Variants in PLPP1 observed in about 807,000 individuals in gnomAD.
PLPP1 encodes the protein phospholipid phosphatase 1.
In PLPP1, 24 loss-of-function variants were observed where a neutral mutation model predicts 31.2. That is an observed-to-expected ratio of 0.77 (90% CI 0.56 to 1.08). PLPP1 has a LOEUF of 1.08. Ranked by LOEUF, PLPP1 falls within the 50% of genes least tolerant of loss-of-function variation. The pLI, the probability that PLPP1 is intolerant of heterozygous loss-of-function variation, is 0.00. For missense variants in PLPP1, 319 were observed against 342.7 expected (o/e 0.93, Z 0.55); for synonymous variants, 146 against 126.3 (o/e 1.16, Z -1.05).
chr5:55,514,540 T>C (rs999185831), intron 1 of PLPP1, among the ~76,000 whole-genome samples: 6 of 152,232 alleles, frequency 3.9e-5, no homozygotes, highest in African/African-American at 1.4e-4. Context: ...TTATGCCAAA[T>C]GGCAATGGCC....
intron 1 of PLPP1, among the ~76,000 whole-genome samples, chr5:55,533,636 C>T (rs1740763431): frequency 6.6e-6 from 1 of 152,198 alleles, no homozygotes; most frequent in Admixed American, 6.5e-5. Context: ...AATACTACTA[C>T]TATTCTGATT....
chr5:55,520,187 G>A (rs1310548541), intron 1 of PLPP1, among the ~76,000 whole-genome samples: 1 of 152,106 alleles, frequency 6.6e-6, no homozygotes, highest in Non-Finnish European at 1.5e-5. Context: ...TATGAGCTGT[G>A]GGAATACTGT....
chr5:55,476,607 G>A (rs1224889358), intron 1 of PLPP1, among the ~76,000 whole-genome samples: 1 of 152,122 alleles, frequency 6.6e-6, no homozygotes, highest in Non-Finnish European at 1.5e-5. Flanking sequence ...ACCCAAGCCT[G>A]AAACGCTCTC....
intron 4 of PLPP1, 125 bp downstream of exon 4, chr5:55,441,726 T>C: frequency 9.8e-7 from 1 of 1,020,832 alleles, no homozygotes; most frequent in Non-Finnish European, 1.5e-6. Context: ...ACTTACAGAT[T>C]TGCAGATCAT....
intron 1 of PLPP1, among the ~76,000 whole-genome samples, chr5:55,494,578 G>A (rs1226646321): frequency 1.3e-5 from 2 of 152,058 alleles, no homozygotes; most frequent in Admixed American, 1.3e-4. Flanking sequence ...TGCTGTTGCC[G>A]AAACATACTG....
chr5:55,468,123 A>C lies in PLPP1; in HGVS notation c.237T>G (p.Val79=), dbSNP rs1304037778. ...AATTTGAGTGCAAAAGGTTACAGTA[A>C]ACAGACAGGGTTTCTCCAAGAATAA... ...IVIILGETLS[V]YCNLLHSNSF... is the part of the protein sequence containing the mutation. Residue 79 remains valine, a synonymous_variant, in exon 3 of 6, where the codon GTT becomes GTG. Transcript: ENST00000307259. 3.7e-6 allele frequency: 6 copies of C among 1,605,332 alleles called. No individual in the cohort carries two copies. The highest frequency in any genetic ancestry group is 5.1e-6 in the Non-Finnish European group (6 of 1,175,094).
At chr5:55,443,192 A>AAAAAAAAAAAAAAAAATATATAT in intron 3 of PLPP1, among the ~76,000 whole-genome samples, 2 of 25,442 alleles carry the variant, frequency 7.9e-5, no homozygotes, top group East Asian at 1.5e-3. Flanking sequence ...AAAAAAAAAA[A>AAAAAAAAAAAAAAAAATATATAT]ATATATATAT....
intron 4 of PLPP1, among the ~76,000 whole-genome samples, chr5:55,439,893 T>TC (rs1255212940): frequency 2.0e-5 from 3 of 152,124 alleles, no homozygotes; most frequent in African/African-American, 7.2e-5. Flanking sequence ...CCATTTTACT[T>TC]CCAGAGATCT....
chr5:55,464,388 C>T (rs1308384696), intron 3 of PLPP1, among the ~76,000 whole-genome samples: 1 of 151,896 alleles, frequency 6.6e-6, no homozygotes, highest in African/African-American at 2.4e-5. Flanking sequence ...GTGTGCACCA[C>T]CACACCTCGC....
At chr5:55,475,219 C>T (rs1012381557) in intron 2 of PLPP1, 80 bp downstream of exon 2, 148 of 1,242,020 alleles carry the variant, frequency 1.2e-4, no homozygotes, top group Non-Finnish European at 1.6e-4. Context: ...GAGGATTACA[C>T]ATTTAAGCAT....
At chr5:55,513,976 A>C (rs1753499412) in intron 1 of PLPP1, among the ~76,000 whole-genome samples, 1 of 152,230 alleles carries the variant, frequency 6.6e-6, no homozygotes, top group African/African-American at 2.4e-5. Flanking sequence ...TAGCAATCAA[A>C]CTTACGGAAA....
At chr5:55,469,956 T>C (rs917053743) in intron 2 of PLPP1, among the ~76,000 whole-genome samples, 1 of 152,198 alleles carries the variant, frequency 6.6e-6, no homozygotes, top group Non-Finnish European at 1.5e-5. Context: ...GGTGCTGCCT[T>C]GGGTAAACAG....
chr5:55,495,024 A>G (rs1387553980), intron 1 of PLPP1, among the ~76,000 whole-genome samples: 2 of 151,316 alleles, frequency 1.3e-5, no homozygotes, highest in Non-Finnish European at 2.9e-5. Context: ...CCAGCTACTC[A>G]GGAGGCTGAG....
chr5:55,499,143 T>A (rs1490073445), intron 1 of PLPP1, among the ~76,000 whole-genome samples: 1 of 152,190 alleles, frequency 6.6e-6, no homozygotes, highest in African/African-American at 2.4e-5. Flanking sequence ...ACTTTACAAA[T>A]AATTAACAAC....
chr5:55,427,395 T>C (rs1751230643), intron 4 of PLPP1, among the ~76,000 whole-genome samples: 1 of 152,180 alleles, frequency 6.6e-6, no homozygotes, highest in African/African-American at 2.4e-5. Flanking sequence ...GCACACCAGC[T>C]GTTTAACTGA....
chr5:55,490,312 G>A (rs972278593), intron 1 of PLPP1, among the ~76,000 whole-genome samples: 5 of 151,706 alleles, frequency 3.3e-5, no homozygotes, highest in African/African-American at 4.8e-5. Context: ...CACCACGCCC[G>A]GCTAATTCTT....
chr5:55,534,049 G>A (rs773313881), intron 1 of PLPP1, among the ~76,000 whole-genome samples: 1 of 152,080 alleles, frequency 6.6e-6, no homozygotes, highest in South Asian at 2.1e-4. Flanking sequence ...AAAACTTGGC[G>A]TGCTCATCCC....
At chr5:55,486,521 G>A (rs913046551) in intron 1 of PLPP1, among the ~76,000 whole-genome samples, 5 of 152,030 alleles carry the variant, frequency 3.3e-5, no homozygotes, top group Admixed American at 3.3e-4. Flanking sequence ...AGGAGGCGGA[G>A]GTTGCAGTGA....
At chr5:55,472,080 C>T (rs896646783) in intron 2 of PLPP1, among the ~76,000 whole-genome samples, 4 of 152,316 alleles carry the variant, frequency 2.6e-5, no homozygotes, top group Non-Finnish European at 4.4e-5. Context: ...TCTGATCACA[C>T]CACTGCACTC....
Sources: gnomAD v4.1 joint callset for allele counts (sites outside exome capture counted in the v4.1 genomes callset) on GRCh38, gnomAD v4.1.1 for gene constraint, MANE v1.5 for transcripts, NCBI Gene and HGNC (gene_info 2026-07-23, HGNC 2026-07-21) for gene names.